Variants in WDR46 observed in about 807,000 individuals in gnomAD.
The protein encoded by WDR46 is WD repeat domain 46, also known as WD repeat-containing protein 46.
Under a neutral mutation model 74.7 loss-of-function variants are expected in WDR46, and 58 were observed. That is an observed-to-expected ratio of 0.78 (90% CI 0.63 to 0.97). The LOEUF (loss-of-function observed/expected upper bound fraction) is 0.97. WDR46 is among the 50% of genes least tolerant of loss of function. The pLI is 0.00. For synonymous variants in WDR46, 278 were observed against 297.3 expected, an observed-to-expected ratio of 0.93 and a Z score of 0.67; for missense variants, 702 against 790.1, an observed-to-expected ratio of 0.89 and a Z score of 1.34.
rs1168208949 is a variant in WDR46 at position 33,288,968 on chromosome 6, C to A, written c.115G>T (p.Gly39Ter). Residue 39 changes from glycine to a stop codon, truncating the protein, a stop_gained, in exon 2 of 15, where the codon GGA (glycine) becomes TGA (stop). Coordinates refer to ENST00000374617, the MANE Select transcript of WDR46 (RefSeq NM_005452.6). LOFTEE classifies it high-confidence loss of function. ...WEEETVPTTA[G>*]ASPGPPRNKK... ...TTACGAGGAGGCCCTGGAGAGGCTC[C>A]GGCTGTGGTCGGAACGGTCTCTTCC... The A allele has an allele frequency of 6.2e-7, 1 of 1,614,080 alleles. No individual in the cohort carries two copies. Among genetic ancestry groups the A allele is most frequent in the Admixed American group, 1.7e-5 (1 of 60,020 alleles).
At chr6:33,280,652 C>A in intron 11 of WDR46, 22 bp downstream of exon 11, 2 of 1,586,356 alleles carry the variant, frequency 1.3e-6, no homozygotes, top group Non-Finnish European at 1.7e-6. Flanking sequence ...TCACTTCAAG[C>A]CCCATCCCCT....
chr6:33,289,239 C>A lies in WDR46; in HGVS notation c.-69G>T, dbSNP rs1767051687. 1 of 1,562,194 alleles carries A rather than the reference C, an allele frequency of 6.4e-7. No individual in the cohort carries two copies. The highest frequency in any genetic ancestry group is 8.6e-7 in the Non-Finnish European group (1 of 1,157,814). On this transcript the variant is annotated 5_prime_UTR_variant, in exon 1 of 15. Coordinates refer to ENST00000374617, the MANE Select transcript of WDR46 (RefSeq NM_005452.6). ...CTGCCACACAGTCGGCTTGAAAACT[C>A]CCGGAAGCCCTCTGTCCTTCATCCA...
At chr6:33,279,427 G>A in intron 14 of WDR46, 53 bp from the exon 15 acceptor site, 2 of 1,611,004 alleles carry the variant, frequency 1.2e-6, no homozygotes, top group Non-Finnish European at 1.7e-6. Flanking sequence ...GTGGCAGGCT[G>A]ACAAGGGCAG....
intron 11 of WDR46, 22 bp from the exon 12 acceptor site, chr6:33,280,544 C>T: frequency 6.3e-7 from 1 of 1,598,792 alleles, no homozygotes; most frequent in Non-Finnish European, 8.5e-7. Flanking sequence ...GAGGGAGAAG[C>T]ATGGAGCCAT....
At position 33,279,549 on chromosome 6, in the gene WDR46, G is replaced by C. The variant is rs1765939936; in HGVS notation, c.1682C>G (p.Ser561Cys). The change falls in exon 14 of 15, where the codon TCC becomes TGC. Residue 561 changes from serine (S) to cysteine (C), a missense_variant. Ser to Cys is a moderately radical substitution (Grantham distance 112, BLOSUM62 -1). Transcript: ENST00000374617. Reference sequence around the variant, plus strand: ...CTTCCTCTTCACCAGGCTTGCCGTGGAGCTGCGGCCCTTCTGCTTTGGCTT... The same window carrying C: ...CTTCCTCTTCACCAGGCTTGCCGTGCAGCTGCGGCCCTTCTGCTTTGGCTT... Reference protein sequence around the residue: ...QPKPKQKGRSSTASLVKRKRK... With the variant: ...QPKPKQKGRSCTASLVKRKRK... 1.2e-6 allele frequency: 2 copies of C among 1,614,148 alleles called. No individual in the cohort carries two copies. The highest frequency in any genetic ancestry group is 1.7e-6 in the Non-Finnish European group (2 of 1,180,048).
At chr6:33,279,926 C>A in intron 12 of WDR46, 67 bp from the exon 13 acceptor site, 1 of 1,528,282 alleles carries the variant, frequency 6.5e-7, no homozygotes, top group Non-Finnish European at 8.9e-7. Context: ...AAAAGAGAAG[C>A]CAGGGAGGCT....
At position 33,286,896 on chromosome 6, in the gene WDR46, T is replaced by G; in HGVS notation, c.1016-2A>C. ...CTGGACTCCATAAAGACACAGTACC[T>G]GGAAGAGAAGAAGAACCAAAGTTGC... On this transcript the variant is annotated splice_acceptor_variant, in intron 9 of 14. Transcript: ENST00000374617. LOFTEE classifies it high-confidence loss of function. The G allele has an allele frequency of 6.2e-7, 1 of 1,613,924 alleles. No homozygotes were observed. Among genetic ancestry groups the G allele is most frequent in the Non-Finnish European group, 8.5e-7 (1 of 1,179,952 alleles).
In WDR46 at chr6:33,279,793, G is replaced by C; in HGVS notation, c.1591C>G (p.Gln531Glu). The change falls in exon 13 of 15, where the codon CAG becomes GAG. Residue 531 changes from glutamine to glutamate, a missense_variant. Transcript: ENST00000374617. ...LAEVDVISLE[Q>E]GKKEQIERLG... The stretch of plus-strand genomic sequence containing the variant: ...CTCTCTATCTGCTCCTTCTTTCCCT[G>C]CTCCAGGGAGATGACATCCACCTCG... 1 of 1,614,122 alleles carries C rather than the reference G, an allele frequency of 6.2e-7. No homozygotes were observed. Among genetic ancestry groups the C allele is most frequent in the Non-Finnish European group, 8.5e-7 (1 of 1,180,000 alleles).
chr6:33,279,850 C>G lies in WDR46; in HGVS notation c.1534G>C (p.Glu512Gln). ...GCTCGTGGGTCCAGACAAATAAGCT[C>G]TGCAGGTACCTGGGGGTGTCACAGA... ...VKALLEKVPA[E>Q]LICLDPRALA... Residue 512 changes from glutamate to glutamine, a missense_variant, in exon 13 of 15, where the codon GAG (glutamate) becomes CAG (glutamine). Glu to Gln is a conservative substitution (Grantham distance 29). Coordinates refer to ENST00000374617, the MANE Select transcript of WDR46 (RefSeq NM_005452.6). The G allele has an allele frequency of 1.2e-6, 2 of 1,614,026 alleles. No individual in the cohort carries two copies. Among genetic ancestry groups the G allele is most frequent in the Non-Finnish European group, 1.7e-6 (2 of 1,179,970 alleles).
Position 33,287,422 on chromosome 6 carries a change from C to T in WDR46, c.812G>A (p.Cys271Tyr). The T allele has an allele frequency of 6.2e-7, 1 of 1,612,392 alleles. No homozygotes were observed. The highest frequency in any genetic ancestry group is 8.5e-7 in the Non-Finnish European group (1 of 1,179,762). Residue 271 changes from cysteine to tyrosine, a missense_variant, in exon 8 of 15, where the codon TGT (cysteine) becomes TAT (tyrosine). Transcript: ENST00000374617. ...TGTTACTCGGTCACAGCGGCGGATA[C>T]AGTGGAGCTCAATGCCCTGATTGTC... ...IYDNQGIELH[C>Y]IRRCDRVTRL...
intron 10 of WDR46, among the ~76,000 whole-genome samples, 186 bp downstream of exon 10, chr6:33,286,609 G>A (rs1245833121): frequency 1.3e-5 from 2 of 151,882 alleles, no homozygotes; most frequent in African/African-American, 4.8e-5. Flanking sequence ...TTCCATTTTC[G>A]GGGTCAGGAA....
Position 33,287,185 on chromosome 6 carries a change from C to A in WDR46, c.921G>T (p.Gly307=). 1 of 1,613,836 alleles carries A rather than the reference C, an allele frequency of 6.2e-7. No individual in the cohort carries two copies. The highest frequency in any genetic ancestry group is 8.5e-7 in the Non-Finnish European group (1 of 1,179,988). Reference sequence around the variant, plus strand: ...GAGCATTCAGAGCTGCCACAATCTTCCCCACTGACACATCCAGGTAGGTTA... The same window carrying A: ...GAGCATTCAGAGCTGCCACAATCTTACCCACTGACACATCCAGGTAGGTTA... The part of the protein sequence containing the change: ...GFLTYLDVSV[G]KIVAALNARA... The change falls in exon 9 of 15, where the codon GGG becomes GGT. Residue 307 remains glycine (G), a synonymous_variant. Transcript: ENST00000374617.
In WDR46 at chr6:33,279,567, T is replaced by C; in HGVS notation, c.1664A>G (p.Lys555Arg). 1.2e-6 allele frequency: 2 copies of C among 1,614,192 alleles called. No homozygotes were observed. The highest frequency in any genetic ancestry group is 1.7e-6 in the Non-Finnish European group (2 of 1,180,040). ...QAKAPFQPKP[K>R]QKGRSSTASL... ...TGCCGTGGAGCTGCGGCCCTTCTGC[T>C]TTGGCTTTGGCTGGAAGGGAGCCTT... is the stretch of plus-strand genomic sequence containing the variant. The change falls in exon 14 of 15, where the codon AAG becomes AGG. Residue 555 changes from lysine to arginine, a missense_variant. By Grantham distance (26) the Lys-to-Arg change is conservative (BLOSUM62 2). Transcript: ENST00000374617.
intron 10 of WDR46, among the ~76,000 whole-genome samples, chr6:33,283,808 C>A (rs1175438596): frequency 6.6e-6 from 1 of 151,924 alleles, no homozygotes; most frequent in Non-Finnish European, 1.5e-5. Context: ...TGAGGCAGAA[C>A]AATCACTTGA....
chr6:33,280,020 G>A (rs1001461506), intron 12 of WDR46, among the ~76,000 whole-genome samples, 161 bp from the exon 13 acceptor site: 1 of 151,578 alleles, frequency 6.6e-6, no homozygotes. Context: ...ACCTTCCCCA[G>A]CAGCAGGGGC....
intron 10 of WDR46, among the ~76,000 whole-genome samples, chr6:33,285,949 T>C (rs1352391607): frequency 6.8e-6 from 1 of 147,340 alleles, no homozygotes; most frequent in Admixed American, 6.7e-5. Flanking sequence ...AAGACCAGCC[T>C]GGCCAACACA....
chr6:33,289,138 GA>G lies in WDR46; in HGVS notation c.32del (p.Val11AlafsTer54). On this transcript the variant is annotated frameshift_variant, in exon 1 of 15. Coordinates refer to ENST00000374617, the MANE Select transcript of WDR46 (RefSeq NM_005452.6). LOFTEE classifies it high-confidence loss of function. Reference protein sequence around the residue: METAPKPGKDVPPKKDKLQTK... With the variant: METAPKPGKDXPPKKDKLQTK... ...TCTGAAGTTTGTCTTTCTTGGGCGGGACATCCTTGCCCGGCTTGGGGGCTGT... is the reference window on the plus strand; with the variant it reads ...TCTGAAGTTTGTCTTTCTTGGGCGGGCATCCTTGCCCGGCTTGGGGGCTGT... The G allele has an allele frequency of 2.5e-6, 4 of 1,613,360 alleles. No individual in the cohort carries two copies. The highest frequency in any genetic ancestry group is 3.4e-6 in the Non-Finnish European group (4 of 1,179,614).
chr6:33,284,486 A>G (rs1766450154), intron 10 of WDR46: 1 of 153,844 alleles, frequency 6.5e-6, no homozygotes, highest in African/African-American at 2.4e-5. Context: ...TCCAAAGCAG[A>G]CACCACCTCC....
chr6:33,288,046 A>C lies in WDR46; in HGVS notation c.562-20T>G, dbSNP rs767284706. The C allele has an allele frequency of 6.2e-7, 1 of 1,614,126 alleles. No homozygotes were observed. Among genetic ancestry groups the C allele is most frequent in the Non-Finnish European group, 8.5e-7 (1 of 1,179,988 alleles). On this transcript the variant is annotated intron_variant, in intron 5 of 14. Transcript: ENST00000374617. ...AAAGTGCTGGGAAAGAGAAGAGTGA[A>C]AAAAAAGAGTGCCCTGCAGTAACGC... is the stretch of plus-strand genomic sequence containing the variant.
Sources: allele counts gnomAD v4.1 joint callset (sites outside exome capture counted in the v4.1 genomes callset), GRCh38; gene constraint gnomAD v4.1.1; transcripts MANE v1.5; gene names NCBI Gene and HGNC (gene_info 2026-07-23, HGNC 2026-07-21).